MAST2: variants seen among roughly 807,000 people sequenced by gnomAD.
The protein encoded by MAST2 is microtubule-associated serine/threonine-protein kinase 2.
A neutral mutation model predicts 147.4 loss-of-function variants in MAST2; 70 were observed. That is an observed-to-expected ratio of 0.47 (90% confidence interval 0.39 to 0.58). The LOEUF is 0.58. Ranked by LOEUF, MAST2 falls within the 20% of genes least tolerant of loss-of-function variation. The probability of loss-of-function intolerance (pLI) is 0.00; values close to 1 mark genes in which losing one functional copy is unlikely to be tolerated. For missense variants in MAST2, 2,080 were observed against 2,302.3 expected (o/e 0.90, Z 1.98); for synonymous variants, 869 against 896.8 (o/e 0.97, Z 0.55).
Position 45,959,403 on chromosome 1 carries a change from G to T in MAST2, c.518G>T (p.Arg173Leu), listed in dbSNP as rs750589031. ...CATTGCAGTTGTCGGACAAGTAACCGCAAGAGCTTGATTGTGACCTCTAGC... is the reference window on the plus strand; with the variant it reads ...CATTGCAGTTGTCGGACAAGTAACCTCAAGAGCTTGATTGTGACCTCTAGC... The part of the protein sequence containing the change: ...RRGSFCRTSN[R>L]KSLIVTSSTS... Residue 173 changes from arginine (R) to leucine (L), a missense_variant, in exon 5 of 29, where the codon CGC (arginine) becomes CTC (leucine). This residue lies in a region of MAST2 where 569 missense variants were observed against 642.5 expected (regional missense o/e 0.89). Transcript: ENST00000361297. The T allele has an allele frequency of 2.0e-5, 33 of 1,613,624 alleles. No individual in the cohort carries two copies. The highest frequency in any genetic ancestry group is 2.6e-5 in the Non-Finnish European group (31 of 1,179,704).
At chr1:45,804,195 G>A in intron 1 of MAST2, 123 bp downstream of exon 1, 1 of 1,186,738 alleles carries the variant, frequency 8.4e-7, no homozygotes. Flanking sequence ...GCGGGGAGGA[G>A]TGGGAGGTCT....
intron 4 of MAST2, among the ~76,000 whole-genome samples, chr1:45,886,341 C>A (rs985385869): frequency 1.4e-5 from 2 of 147,770 alleles, no homozygotes; most frequent in Admixed American, 6.7e-5. Flanking sequence ...CACACACACA[C>A]ACACACATTT....
intron 3 of MAST2, among the ~76,000 whole-genome samples, chr1:45,843,288 T>TA (rs1459739948): frequency 1.3e-5 from 2 of 152,176 alleles, no homozygotes. Context: ...AAGTCTAACT[T>TA]ATCTGTGTTT....
At chr1:45,930,366 A>G (rs1655077319) in intron 4 of MAST2, among the ~76,000 whole-genome samples, 1 of 147,478 alleles carries the variant, frequency 6.8e-6, no homozygotes, top group African/African-American at 2.5e-5. Flanking sequence ...GATGTGAGCC[A>G]CCGCGCCTGG....
At chr1:45,811,229 C>A (rs911495701) in intron 1 of MAST2, among the ~76,000 whole-genome samples, 2 of 150,624 alleles carry the variant, frequency 1.3e-5, no homozygotes, top group African/African-American at 2.4e-5. Flanking sequence ...TGCGATGGCA[C>A]GATCTCGGCT....
chr1:45,951,860 G>C (rs982302461), intron 4 of MAST2, among the ~76,000 whole-genome samples: 2 of 152,130 alleles, frequency 1.3e-5, no homozygotes, highest in African/African-American at 4.8e-5. Context: ...TGGAGAAATG[G>C]GAAGAGGCAG....
At chr1:45,931,946 C>T (rs899502946) in intron 4 of MAST2, among the ~76,000 whole-genome samples, 3 of 152,284 alleles carry the variant, frequency 2.0e-5, no homozygotes, top group African/African-American at 7.2e-5. Context: ...CTGCCTCGGC[C>T]TCCCAAAGGG....
chr1:45,878,830 TAAAG>T (rs1646717197), intron 3 of MAST2, among the ~76,000 whole-genome samples: 1 of 151,910 alleles, frequency 6.6e-6, no homozygotes. Flanking sequence ...TTAGAGTAAT[TAAAG>T]AACTCGGTAA....
At chr1:45,813,047 A>G (rs1644350418) in intron 1 of MAST2, among the ~76,000 whole-genome samples, 1 of 152,186 alleles carries the variant, frequency 6.6e-6, no homozygotes, top group Non-Finnish European at 1.5e-5. Flanking sequence ...AGTTCTATCT[A>G]TAAAATGGCA....
intron 4 of MAST2, among the ~76,000 whole-genome samples, chr1:45,949,337 T>C (rs554702391): frequency 8.5e-5 from 13 of 152,302 alleles, no homozygotes; most frequent in African/African-American, 2.9e-4. Context: ...AAAGGTCTAA[T>C]ATTCAGCATC....
At chr1:45,885,149 G>C (rs1647026669) in intron 4 of MAST2, among the ~76,000 whole-genome samples, 1 of 152,146 alleles carries the variant, frequency 6.6e-6, no homozygotes, top group Admixed American at 6.5e-5. Flanking sequence ...AGCCTGATCT[G>C]GAAAATTTTT....
chr1:45,948,151 T>G (rs1440233077), intron 4 of MAST2, among the ~76,000 whole-genome samples: 1 of 152,154 alleles, frequency 6.6e-6, no homozygotes, highest in African/African-American at 2.4e-5. Flanking sequence ...CAGTCCCATT[T>G]ACAATTGCCA....
At chr1:45,949,445 G>A (rs1352145202) in intron 4 of MAST2, among the ~76,000 whole-genome samples, 1 of 151,980 alleles carries the variant, frequency 6.6e-6, no homozygotes. Flanking sequence ...GCATACATGC[G>A]ACCAACAAGC....
Position 46,031,184 on chromosome 1 carries a change from AC to A in MAST2, c.2891del (p.Pro964HisfsTer84). 1 of 1,582,176 alleles carries A rather than the reference AC, an allele frequency of 6.3e-7. No homozygotes were observed. Among genetic ancestry groups the A allele is most frequent in the Admixed American group, 1.8e-5 (1 of 56,892 alleles). On this transcript the variant is annotated frameshift_variant, in exon 23 of 29. Coordinates refer to ENST00000361297, the MANE Select transcript of MAST2 (RefSeq NM_015112.3). LOFTEE classifies it high-confidence loss of function. This position sits in a 1 kb window ranked among gnomAD's most constrained non-coding sequence, Gnocchi z 4.1. ...CACAGGAGGGTATATGGGTCCTGACACCCCCATCTGGAGAGGGGGTATCTGG... is the reference window on the plus strand; with the variant it reads ...CACAGGAGGGTATATGGGTCCTGACACCCCATCTGGAGAGGGGGTATCTGG... ...QPQEGIWVLT[P>X]PSGEGVSGPV... is the part of the protein sequence containing the mutation.
intron 3 of MAST2, among the ~76,000 whole-genome samples, chr1:45,860,689 A>G (rs1456545871): frequency 1.3e-5 from 2 of 151,738 alleles, no homozygotes; most frequent in African/African-American, 4.8e-5. Context: ...AAAATTAGCC[A>G]AGCGTAGTGG....
In MAST2 at chr1:45,899,307, C is replaced by CTTTTTTTTTTTTTTTT. The variant is rs770069959; in HGVS notation, c.500+16917_500+16932dup. On this transcript the variant is annotated intron_variant, in intron 4 of 28. Transcript: ENST00000361297. ...GCCAAAAATATTTTTCCTTTCTTTTCTTTTTTTTTTTTTTTTTTTTAGATT... is the reference window on the plus strand; with the variant it reads ...GCCAAAAATATTTTTCCTTTCTTTTCTTTTTTTTTTTTTTTTTTTTTTTTTTTTTTTTTTTTAGATT... Among the ~76,000 whole-genome samples, 3 of 108,030 alleles carry CTTTTTTTTTTTTTTTT rather than the reference C, an allele frequency of 2.8e-5. 1 individual carries two copies. The highest frequency in any genetic ancestry group is 3.6e-5 in the Non-Finnish European group (2 of 55,746). The allele number at this position is 108,030 out of a possible 152,430, so 70.9% of individuals were successfully genotyped here.
chr1:45,864,960 C>T (rs895603442), intron 3 of MAST2: 6 of 357,956 alleles, frequency 1.7e-5, no homozygotes, highest in Admixed American at 3.6e-5. Context: ...TGTATACTTA[C>T]GCTGGACAGA....
At chr1:45,863,261 C>T (rs551647129) in intron 3 of MAST2, among the ~76,000 whole-genome samples, 1 of 152,248 alleles carries the variant, frequency 6.6e-6, no homozygotes, top group Non-Finnish European at 1.5e-5. Flanking sequence ...CTAGTTAAAC[C>T]TATTTTGATA....
chr1:45,972,204 A>G (rs1192341671), intron 5 of MAST2, among the ~76,000 whole-genome samples: 1 of 152,192 alleles, frequency 6.6e-6, no homozygotes, highest in Non-Finnish European at 1.5e-5. Flanking sequence ...CATTCAGCAC[A>G]CTGGTTGGAA....
Sources: gnomAD v4.1 joint callset for allele counts (sites outside exome capture counted in the v4.1 genomes callset) on GRCh38, gnomAD v4.1.1 for gene constraint, gnomAD v4.1.1 regional missense constraint, Gnocchi (gnomAD v3.1) non-coding constraint, MANE v1.5 for transcripts, NCBI Gene and HGNC (gene_info 2026-07-23, HGNC 2026-07-21) for gene names.